The following ADRA1A variants were observed in gnomAD, a reference collection of about 807,000 sequenced individuals.
ADRA1A encodes adrenoceptor alpha 1A.
In ADRA1A, 31 loss-of-function variants were observed where a neutral mutation model predicts 29.6. The ratio of observed to expected loss-of-function variants is 1.05; its 90% confidence interval spans 0.79 to 1.41. The LOEUF is 1.41. Among genes scored for constraint, ADRA1A ranks in the 40% most tolerant of loss-of-function variants. ADRA1A has a pLI of 0.00. For missense variants in ADRA1A, 619 were observed against 601.1 expected, an observed-to-expected ratio of 1.03 and a Z score of -0.31; for synonymous variants, 311 against 254.3, an observed-to-expected ratio of 1.22 and a Z score of -2.12.
At chr8:26,812,231 C>G (rs1461076325) in intron 2 of ADRA1A, among the ~76,000 whole-genome samples, 2 of 152,312 alleles carry the variant, frequency 1.3e-5, no homozygotes, top group East Asian at 3.9e-4. Flanking sequence ...GCTTCTTCCT[C>G]CTCCTCTGCT....
chr8:26,770,971 C>T (rs1223127949), intron 2 of ADRA1A, among the ~76,000 whole-genome samples: 4 of 152,202 alleles, frequency 2.6e-5, no homozygotes, highest in South Asian at 2.1e-4. Flanking sequence ...AAATGTGAAA[C>T]TCAGACTGAG....
chr8:26,750,243 C>T (rs557395340), intron 2 of ADRA1A, among the ~76,000 whole-genome samples: 362 of 152,168 alleles, frequency 2.4e-3, no homozygotes, highest in Non-Finnish European at 4.1e-3. Flanking sequence ...GCTCTGTTGC[C>T]CAGGCTGGAG....
intron 2 of ADRA1A, among the ~76,000 whole-genome samples, chr8:26,830,366 A>G (rs1335417501): frequency 6.6e-6 from 1 of 152,244 alleles, no homozygotes; most frequent in Non-Finnish European, 1.5e-5. Flanking sequence ...AAGATCTTGC[A>G]GTCTGAAAGC....
chr8:26,769,607 A>G lies in ADRA1A; in HGVS notation c.*542T>C. The G allele has an allele frequency of 1.0e-6, 1 of 985,580 alleles. No homozygotes were observed. Among genetic ancestry groups the G allele is most frequent in the Non-Finnish European group, 1.2e-6 (1 of 830,040 alleles). The allele number at this position is 985,580 out of a possible 1,614,324, so 61.1% of individuals were successfully genotyped here. On this transcript the variant is annotated 3_prime_UTR_variant, in exon 3 of 3. Coordinates refer to ENST00000380573, the MANE Select transcript of ADRA1A (RefSeq NM_000680.4). ...AGTTTCCCTCAAGCTGAGAAATTGG[A>G]TGTATCAGAAAGGGTGGAGTTTCAG...
At chr8:26,748,228 A>C (rs1353266359) in exon 3 of ADRA1A, 2 of 152,286 alleles carry the variant, frequency 1.3e-5, no homozygotes, top group Non-Finnish European at 2.9e-5. Flanking sequence ...GTGGTGCTTA[A>C]ACCGTGCTCC....
At chr8:26,760,026 G>A (rs1350330954) in intron 2 of ADRA1A, among the ~76,000 whole-genome samples, 1 of 152,206 alleles carries the variant, frequency 6.6e-6, no homozygotes, top group Non-Finnish European at 1.5e-5. Flanking sequence ...AGGGAGGAAG[G>A]AGGTGGATAG....
At chr8:26,760,940 G>A (rs935537246), downstream of ADRA1A, among the ~76,000 whole-genome samples, 1 of 152,072 alleles carries the variant, frequency 6.6e-6, no homozygotes, top group African/African-American at 2.4e-5. Context: ...AGGTCCCTGG[G>A]GACTGGCCTC....
rs1340399250 is a variant in ADRA1A, at chr8:26,805,111, A to C, written c.884-34445T>G. Among the ~76,000 whole-genome samples the C allele has an allele frequency of 6.6e-6, 1 of 152,220 alleles. No homozygotes were observed. The highest frequency in any genetic ancestry group is 1.9e-4 in the East Asian group (1 of 5,196). On this transcript the variant is annotated intron_variant, in intron 2 of 2. Transcript: ENST00000380573. This position sits in a 1 kb window ranked among gnomAD's most constrained non-coding sequence, Gnocchi z 4.8. ...GTTTCTAATGCTGTTGGTTGTTTGC[A>C]TGCTAATTCTAGACTAGGAATCAAA... is the stretch of plus-strand genomic sequence containing the variant.
chr8:26,749,516 C>T (rs1011141823), intron 2 of ADRA1A, among the ~76,000 whole-genome samples: 7 of 152,154 alleles, frequency 4.6e-5, no homozygotes, highest in African/African-American at 1.2e-4. Context: ...TCTTTAATAG[C>T]TATGCATTGA....
At chr8:26,836,087 G>C (rs1201043267) in intron 2 of ADRA1A, 1 of 174,040 alleles carries the variant, frequency 5.7e-6, no homozygotes, top group Admixed American at 6.1e-5. Flanking sequence ...CACACATAGA[G>C]ACATCACACC....
chr8:26,860,771 C>G lies in ADRA1A; in HGVS notation c.883+3316G>C, dbSNP rs79067137. ...TCTCCTTGTCACTTCCCAATGCTCC[C>G]CTTGGGCACTGAATCCCGTTGCCTC... On this transcript the variant is annotated intron_variant, in intron 2 of 2. Transcript: ENST00000380573. This position sits in a 1 kb window ranked among gnomAD's most constrained non-coding sequence, Gnocchi z 4.7. Among the ~76,000 whole-genome samples the G allele has an allele frequency of 2.0e-5, 3 of 152,146 alleles. No individual in the cohort carries two copies. The highest frequency in any genetic ancestry group is 6.5e-5 in the Admixed American group (1 of 15,278).
rs1237733271 is a variant in ADRA1A at position 26,831,036 on chromosome 8, G to C, written c.883+33051C>G. 6.6e-6 allele frequency among the ~76,000 whole-genome samples: 1 copy of C among 152,158 alleles called. No homozygotes were observed. Among genetic ancestry groups the C allele is most frequent in the African/African-American group, 2.4e-5 (1 of 41,428 alleles). On this transcript the variant is annotated intron_variant, in intron 2 of 2. Transcript: ENST00000380573. This position sits in a 1 kb window ranked among gnomAD's most constrained non-coding sequence, Gnocchi z 5.2. ...GTTACTTCCTGGACTTTGGGGGACT[G>C]AGGTCTTTTATAGTTAAAGAAATAT... is the stretch of plus-strand genomic sequence containing the variant.
chr8:26,757,336 G>C (rs549662566), intron 2 of ADRA1A, among the ~76,000 whole-genome samples: 1 of 152,170 alleles, frequency 6.6e-6, no homozygotes, highest in Non-Finnish European at 1.5e-5. Context: ...TGAGCTTGCA[G>C]TGTGGACTTC....
intron 2 of ADRA1A, among the ~76,000 whole-genome samples, chr8:26,812,642 T>C (rs1809473938): frequency 6.6e-6 from 1 of 150,434 alleles, no homozygotes; most frequent in South Asian, 2.1e-4. Flanking sequence ...TATTTATTTA[T>C]TTATTTATTT....
chr8:26,778,979 G>A (rs1255381650), intron 2 of ADRA1A: 1 of 160,700 alleles, frequency 6.2e-6, no homozygotes, highest in African/African-American at 2.4e-5. Context: ...TTTTTTAATT[G>A]TCTCTGCACA....
At chr8:26,840,352 G>A (rs976943535) in intron 2 of ADRA1A, among the ~76,000 whole-genome samples, 35 of 152,186 alleles carry the variant, frequency 2.3e-4, no homozygotes, top group African/African-American at 7.9e-4. Flanking sequence ...TTTCTTTCTG[G>A]TATTTGTCCC....
intron 2 of ADRA1A, among the ~76,000 whole-genome samples, chr8:26,776,900 C>A (rs185354281): frequency 6.6e-6 from 1 of 152,150 alleles, no homozygotes; most frequent in African/African-American, 2.4e-5. Context: ...CCTTGTTCAG[C>A]GAGTGGTCTC....
At chr8:26,858,988 C>T in intron 2 of ADRA1A, 2 of 1,145,400 alleles carry the variant, frequency 1.7e-6, no homozygotes, top group Non-Finnish European at 2.2e-6. Flanking sequence ...TGAGACTTCT[C>T]ACAATATACA....
intron 2 of ADRA1A, among the ~76,000 whole-genome samples, chr8:26,795,795 AC>A (rs975808922): frequency 2.6e-4 from 39 of 152,248 alleles, no homozygotes; most frequent in African/African-American, 8.4e-4. Context: ...AAATGACACC[AC>A]TGTGATGAAG....
Sources: gnomAD v4.1 joint callset for allele counts (sites outside exome capture counted in the v4.1 genomes callset) on GRCh38, gnomAD v4.1.1 for gene constraint, Gnocchi (gnomAD v3.1) non-coding constraint, MANE v1.5 for transcripts, NCBI Gene and HGNC (gene_info 2026-07-23, HGNC 2026-07-21) for gene names.